Variants in ROBO2 observed in about 807,000 individuals in gnomAD.
ROBO2 encodes roundabout homolog 2.
A neutral mutation model predicts 160.8 loss-of-function variants in ROBO2; 53 were observed. That is an observed-to-expected ratio of 0.33 (90% CI 0.26 to 0.41). ROBO2 has a LOEUF of 0.41. Ranked by LOEUF, ROBO2 falls within the 10% of genes least tolerant of loss-of-function variation. ROBO2 has a pLI of 1.00. For missense variants in ROBO2, 1,577 were observed against 1,722.4 expected, an observed-to-expected ratio of 0.92 and a Z score of 1.49; for synonymous variants, 664 against 611.7, an observed-to-expected ratio of 1.09 and a Z score of -1.26.
chr3:77,623,507 G>C (rs953012156), intron 23 of ROBO2, among the ~76,000 whole-genome samples: 13 of 152,134 alleles, frequency 8.5e-5, no homozygotes, highest in African/African-American at 3.1e-4. Context: ...ATTTTCCTCT[G>C]TATTCCTCCC....
At chr3:76,654,713 T>G (rs2091414185) in intron 2 of ROBO2, among the ~76,000 whole-genome samples, 1 of 152,056 alleles carries the variant, frequency 6.6e-6, no homozygotes, top group East Asian at 1.9e-4. Context: ...TAAGAAGCGC[T>G]ATACCAAGAA....
intron 2 of ROBO2, among the ~76,000 whole-genome samples, chr3:77,400,056 G>C (rs1366220019): frequency 6.6e-6 from 1 of 152,156 alleles, no homozygotes; most frequent in Admixed American, 6.6e-5. Context: ...AATGGATGAG[G>C]AGGCAGAGAA....
intron 2 of ROBO2, among the ~76,000 whole-genome samples, chr3:77,206,283 C>A (rs2083440653): frequency 1.3e-5 from 2 of 152,222 alleles, no homozygotes; most frequent in South Asian, 4.2e-4. Flanking sequence ...GATTGTCCTG[C>A]CTCAGCCTCC....
intron 2 of ROBO2, among the ~76,000 whole-genome samples, chr3:76,598,529 G>A (rs912181374): frequency 2.0e-5 from 3 of 151,972 alleles, no homozygotes; most frequent in African/African-American, 7.3e-5. Context: ...TTTCCACTAC[G>A]GTTTTATAAA....
chr3:76,444,363 C>T (rs776422341), intron 2 of ROBO2, among the ~76,000 whole-genome samples: 42 of 152,138 alleles, frequency 2.8e-4, no homozygotes, highest in Non-Finnish European at 2.5e-4. Context: ...TGTAAAGTAA[C>T]TCATAATTCT....
intron 2 of ROBO2, chr3:76,435,300 T>C: frequency 1.0e-6 from 1 of 978,716 alleles, no homozygotes; most frequent in Non-Finnish European, 1.7e-6. Context: ...CAGTGCCAAA[T>C]CTTCCTAGAT....
intron 2 of ROBO2, among the ~76,000 whole-genome samples, chr3:76,978,242 A>T (rs1305559420): frequency 6.6e-6 from 1 of 152,194 alleles, no homozygotes; most frequent in Admixed American, 6.5e-5. Flanking sequence ...TCTATTTCAC[A>T]TGGTAGACCT....
At chr3:77,462,161 A>T (rs2082313514) in intron 2 of ROBO2, among the ~76,000 whole-genome samples, 1 of 152,188 alleles carries the variant, frequency 6.6e-6, no homozygotes, top group Non-Finnish European at 1.5e-5. Flanking sequence ...AATAACTGTA[A>T]GCCGCTCTCA....
intron 2 of ROBO2, among the ~76,000 whole-genome samples, chr3:76,992,152 G>C (rs1198917265): frequency 6.6e-6 from 1 of 151,566 alleles, no homozygotes; most frequent in Non-Finnish European, 1.5e-5. Flanking sequence ...TTCTAACAGA[G>C]TTACCAAAGA....
chr3:76,983,631 T>C (rs1329254023), intron 2 of ROBO2, among the ~76,000 whole-genome samples: 1 of 152,224 alleles, frequency 6.6e-6, no homozygotes, highest in Non-Finnish European at 1.5e-5. Flanking sequence ...TTTGGTTAAA[T>C]AGATTTGATC....
intron 2 of ROBO2, among the ~76,000 whole-genome samples, chr3:76,557,607 T>G (rs2083876304): frequency 6.9e-6 from 1 of 143,996 alleles, no homozygotes; most frequent in African/African-American, 2.6e-5. Flanking sequence ...AGGGTGCCTT[T>G]TTTTTTTTTT....
intron 2 of ROBO2, among the ~76,000 whole-genome samples, chr3:76,556,684 T>C (rs908829008): frequency 6.6e-6 from 1 of 152,188 alleles, no homozygotes; most frequent in African/African-American, 2.4e-5. Flanking sequence ...AAAGCCTTAG[T>C]TATCAAAAGA....
chr3:77,460,420 GT>G lies in ROBO2; in HGVS notation c.389-16993del, dbSNP rs2082125056. Among the ~76,000 whole-genome samples the G allele has an allele frequency of 3.9e-5, 6 of 152,198 alleles. No individual in the cohort carries two copies. The South Asian group carries it at 8.3e-4, about 21-fold the overall frequency. On this transcript the variant is annotated intron_variant, in intron 2 of 25. Coordinates refer to ENST00000461745, the Ensembl canonical transcript of ROBO2. ...GTGGACACAAGACTGAAGTTCCAGA[GT>G]AGCTCAGGCTGGAGGCATGCATTTT...
chr3:76,560,809 AT>A, intron 2 of ROBO2, among the ~76,000 whole-genome samples: 1 of 149,986 alleles, frequency 6.7e-6, no homozygotes, highest in East Asian at 2.0e-4. Context: ...TTTTTGTCCC[AT>A]GCACCAAACC....
chr3:76,190,010 A>G (rs1017008365), intron 2 of ROBO2, among the ~76,000 whole-genome samples: 1 of 152,034 alleles, frequency 6.6e-6, no homozygotes, highest in African/African-American at 2.4e-5. Flanking sequence ...TTCCAGTTTT[A>G]TGTTCAGCTG....
At chr3:77,054,928 A>ATATGTGTG (rs1553748642) in intron 1 of ROBO2, among the ~76,000 whole-genome samples, 1 of 113,078 alleles carries the variant, frequency 8.8e-6, no homozygotes, top group African/African-American at 2.6e-5. Context: ...TCTCGCGTGT[A>ATATGTGTG]TGTGTGTGTG....
At chr3:77,260,968 C>G (rs1412083761) in intron 2 of ROBO2, among the ~76,000 whole-genome samples, 2 of 152,114 alleles carry the variant, frequency 1.3e-5, no homozygotes, top group Non-Finnish European at 2.9e-5. Flanking sequence ...GAAGCCTCCT[C>G]CTGGTAGCTG....
At chr3:76,076,867 T>C (rs1013803492) in intron 2 of ROBO2, among the ~76,000 whole-genome samples, 4 of 152,206 alleles carry the variant, frequency 2.6e-5, no homozygotes, top group African/African-American at 9.6e-5. Flanking sequence ...TTGGGTGACT[T>C]TAACTGTTGT....
At chr3:76,331,561 A>T (rs1166519855) in intron 2 of ROBO2, among the ~76,000 whole-genome samples, 1 of 151,964 alleles carries the variant, frequency 6.6e-6, no homozygotes, top group Non-Finnish European at 1.5e-5. Context: ...ATAATTTGAC[A>T]TTCTCAACCC....
Sources: gnomAD v4.1 joint callset for allele counts (sites outside exome capture counted in the v4.1 genomes callset) on GRCh38, gnomAD v4.1.1 for gene constraint, MANE v1.5 for transcripts, NCBI Gene and HGNC (gene_info 2026-07-23, HGNC 2026-07-21) for gene names.